Variants in GTF2IRD1 observed in about 807,000 individuals in gnomAD.
The protein encoded by GTF2IRD1 is GTF2I repeat domain containing 1, also known as general transcription factor II-I repeat domain-containing protein 1.
Under a neutral mutation model 113.2 loss-of-function variants are expected in GTF2IRD1, and 26 were observed. The observed-to-expected ratio is 0.23, with a 90% confidence interval of 0.17 to 0.32. The LOEUF is 0.32. Among genes scored for constraint, GTF2IRD1 ranks in the 10% least tolerant of loss-of-function variants. GTF2IRD1 has a pLI of 1.00. For missense variants in GTF2IRD1, 864 were observed against 1,280.8 expected, an observed-to-expected ratio of 0.67 and a Z score of 4.97; for synonymous variants, 484 against 529.1, an observed-to-expected ratio of 0.91 and a Z score of 1.17.
chr7:74,465,214 G>A (rs1387289936), intron 1 of GTF2IRD1, among the ~76,000 whole-genome samples: 5 of 152,208 alleles, frequency 3.3e-5, no homozygotes, highest in African/African-American at 1.2e-4. Flanking sequence ...TGTGGGTGCA[G>A]CCCTCTGGGC....
At chr7:74,535,392 AGGTT>A (rs1476580474) in intron 10 of GTF2IRD1, among the ~76,000 whole-genome samples, 1 of 152,204 alleles carries the variant, frequency 6.6e-6, no homozygotes, top group African/African-American at 2.4e-5. Context: ...AACCGGTGCC[AGGTT>A]GGTGAACCTG....
intron 17 of GTF2IRD1, among the ~76,000 whole-genome samples, chr7:74,553,667 G>A (rs1427922053): frequency 6.6e-6 from 1 of 152,206 alleles, no homozygotes; most frequent in Non-Finnish European, 1.5e-5. Flanking sequence ...TGGCCGACGG[G>A]AGAGGCCGTC....
chr7:74,504,583 CCTT>C (rs141778457), intron 1 of GTF2IRD1, among the ~76,000 whole-genome samples: 14,161 of 152,190 alleles, frequency 0.093, 859 homozygotes, highest in Middle Eastern at 0.16. Flanking sequence ...AGACAGACAG[CCTT>C]CTTCCCCGCT....
chr7:74,489,939 TG>T (rs1303138824), intron 1 of GTF2IRD1, among the ~76,000 whole-genome samples: 1 of 152,076 alleles, frequency 6.6e-6, no homozygotes, highest in East Asian at 1.9e-4. Context: ...GGACAGCTTT[TG>T]GGGTCAGATC....
intron 8 of GTF2IRD1, 115 bp downstream of exon 8, chr7:74,524,269 C>T (rs1021995044): frequency 3.3e-5 from 21 of 643,212 alleles, no homozygotes; most frequent in African/African-American, 1.7e-4. Flanking sequence ...CTGGCTCCCG[C>T]GCGCCGGCAC....
chr7:74,569,312 C>G (rs1800543043), intron 22 of GTF2IRD1, among the ~76,000 whole-genome samples: 1 of 152,208 alleles, frequency 6.6e-6, no homozygotes, highest in African/African-American at 2.4e-5. Context: ...AGACGCTTAG[C>G]CTGTGAGGTG....
intron 1 of GTF2IRD1, among the ~76,000 whole-genome samples, chr7:74,481,229 G>C (rs1182957748): frequency 6.6e-6 from 1 of 152,106 alleles, no homozygotes; most frequent in Non-Finnish European, 1.5e-5. Context: ...ATCCCAGTTC[G>C]ATGCATTCTT....
intron 19 of GTF2IRD1, among the ~76,000 whole-genome samples, chr7:74,557,235 C>T (rs587639688): frequency 1.3e-4 from 20 of 152,120 alleles, no homozygotes; most frequent in African/African-American, 4.8e-4. Context: ...ACTGCCCATC[C>T]TCCTCCATCT....
rs188074509 is a variant in GTF2IRD1, at chr7:74,539,931, A to T, written c.1581A>T (p.Pro527=). 1.2e-6 allele frequency: 2 copies of T among 1,613,500 alleles called. No homozygotes were observed. The highest frequency in any genetic ancestry group is 3.3e-5 in the Admixed American group (2 of 59,984). The change falls in exon 14 of 27, where the codon CCA becomes CCT. Residue 527 remains proline (P), a synonymous_variant. Transcript: ENST00000424337. ...CAGACTCGATGCCTGGGCACCTGCC[A>T]TCGGAGGATTCTGGTTATGGGATGG... ...EMTDSMPGHL[P]SEDSGYGMEM... is the part of the protein sequence containing the mutation.
chr7:74,560,017 G>C (rs1328181095), intron 22 of GTF2IRD1, among the ~76,000 whole-genome samples: 1 of 152,178 alleles, frequency 6.6e-6, no homozygotes, highest in African/African-American at 2.4e-5. Context: ...CTGACCTCAA[G>C]TGATCCACCC....
intron 22 of GTF2IRD1, among the ~76,000 whole-genome samples, chr7:74,584,645 G>C (rs1801612761): frequency 6.6e-6 from 1 of 152,142 alleles, no homozygotes; most frequent in Non-Finnish European, 1.5e-5. Context: ...ACATGGCCAG[G>C]GTGAGGGAGG....
intron 1 of GTF2IRD1, among the ~76,000 whole-genome samples, chr7:74,498,323 G>C (rs1167367025): frequency 2.6e-5 from 4 of 152,188 alleles, no homozygotes; most frequent in South Asian, 2.1e-4. Flanking sequence ...AGTTTTAGGA[G>C]GTGTCTGCAT....
At chr7:74,497,821 C>T (rs1795816225) in intron 1 of GTF2IRD1, among the ~76,000 whole-genome samples, 1 of 152,216 alleles carries the variant, frequency 6.6e-6, no homozygotes, top group African/African-American at 2.4e-5. Flanking sequence ...TCTCCTGCCT[C>T]AGCCTCCCAA....
intron 22 of GTF2IRD1, among the ~76,000 whole-genome samples, chr7:74,572,747 A>G (rs139526014): frequency 1.4e-3 from 217 of 152,186 alleles, no homozygotes; most frequent in African/African-American, 4.6e-3. Flanking sequence ...CCCTTTCTCA[A>G]GTTTCTAAAG....
At chr7:74,510,036 C>T (rs1686227950) in intron 2 of GTF2IRD1, among the ~76,000 whole-genome samples, 1 of 152,218 alleles carries the variant, frequency 6.6e-6, no homozygotes, top group South Asian at 2.1e-4. Flanking sequence ...AATAAAGGAC[C>T]TCCTTCAAGC....
chr7:74,522,442 G>A (rs587638503), intron 7 of GTF2IRD1, among the ~76,000 whole-genome samples: 1 of 152,292 alleles, frequency 6.6e-6, no homozygotes, highest in South Asian at 2.1e-4. Flanking sequence ...ACTCACACCT[G>A]TAATCCCAGT....
chr7:74,531,396 C>G (rs782704331), intron 9 of GTF2IRD1, among the ~76,000 whole-genome samples: 1 of 152,210 alleles, frequency 6.6e-6, no homozygotes, highest in East Asian at 1.9e-4. Context: ...CATAGAATAA[C>G]CAGGCCTGAT....
At position 74,477,425 on chromosome 7, in the gene GTF2IRD1, G is replaced by A. The variant is rs193135279; in HGVS notation, c.-7+23249G>A. Among the ~76,000 whole-genome samples the A allele has an allele frequency of 6.8e-3, 1,037 of 151,484 alleles. 35 individuals are homozygous for A. Among genetic ancestry groups the A allele is most frequent in the Admixed American group, 0.063 (943 of 15,018 alleles). ...TTGGGGTGGGACGGGGCAGGGCAGG[G>A]CTGGGTGACTGGAATGGGGTGACTA... is the stretch of plus-strand genomic sequence containing the variant. On this transcript the variant is annotated intron_variant, in intron 1 of 26. Transcript: ENST00000424337.
intron 1 of GTF2IRD1, among the ~76,000 whole-genome samples, chr7:74,494,378 G>A (rs547587879): frequency 8.5e-5 from 13 of 152,306 alleles, no homozygotes; most frequent in Admixed American, 5.9e-4. Context: ...GCTGCCCCCC[G>A]GCCCCTCCAG....
Sources: allele counts gnomAD v4.1 joint callset (sites outside exome capture counted in the v4.1 genomes callset), GRCh38; gene constraint gnomAD v4.1.1; transcripts MANE v1.5; gene names NCBI Gene and HGNC (gene_info 2026-07-23, HGNC 2026-07-21).